The following FSTL4 variants were observed in gnomAD, a reference collection of about 807,000 sequenced individuals.
The protein encoded by FSTL4 is follistatin like 4.
A neutral mutation model predicts 78.2 loss-of-function variants in FSTL4; 28 were observed. The ratio of observed to expected loss-of-function variants is 0.36; its 90% CI spans 0.27 to 0.49. The LOEUF is 0.49. Ranked by LOEUF, FSTL4 falls within the 20% of genes least tolerant of loss-of-function variation. FSTL4 has a pLI of 0.98. For missense variants in FSTL4, 922 were observed against 1,084.9 expected (o/e 0.85, Z 2.11); for synonymous variants, 422 against 440.5 (o/e 0.96, Z 0.53).
intron 6 of FSTL4, among the ~76,000 whole-genome samples, chr5:133,304,572 T>C (rs574112229): frequency 6.6e-6 from 1 of 152,256 alleles, no homozygotes; most frequent in African/African-American, 2.4e-5. Flanking sequence ...TTTTCTGCTA[T>C]TCAATTGCTC....
At chr5:133,774,929 G>T in the FSTL4 span, among the ~76,000 whole-genome samples, 5 of 152,172 alleles carry the variant, frequency 3.3e-5, no homozygotes, top group African/African-American at 1.2e-4. Flanking sequence ...CATAAGTGAA[G>T]TTTCTAAGAA....
chr5:133,392,660 G>A (rs903167056), intron 4 of FSTL4, among the ~76,000 whole-genome samples: 2 of 152,174 alleles, frequency 1.3e-5, no homozygotes, highest in Non-Finnish European at 2.9e-5. Flanking sequence ...GGCTACCTAG[G>A]AGGATGCTGG....
the FSTL4 span, among the ~76,000 whole-genome samples, chr5:133,776,702 C>T: frequency 1.3e-5 from 2 of 152,194 alleles, no homozygotes; most frequent in African/African-American, 4.8e-5. Flanking sequence ...TACTTACCTC[C>T]AGAAACCTCC....
chr5:133,559,092 A>G (rs536528949), intron 3 of FSTL4, among the ~76,000 whole-genome samples: 1 of 152,380 alleles, frequency 6.6e-6, no homozygotes, highest in East Asian at 1.9e-4. Context: ...GATGAAAAGA[A>G]TAGAATTAGA....
At chr5:133,805,211 T>C in the FSTL4 span, among the ~76,000 whole-genome samples, 2 of 151,952 alleles carry the variant, frequency 1.3e-5, no homozygotes, top group African/African-American at 2.4e-5. Flanking sequence ...AGGGAGGCAA[T>C]GAAGGTCCCA....
chr5:133,673,644 C>T, the FSTL4 span, among the ~76,000 whole-genome samples: 1 of 152,190 alleles, frequency 6.6e-6, no homozygotes, highest in African/African-American at 2.4e-5. Context: ...GTGACATTTC[C>T]AGATTCCAAA....
At chr5:133,232,677 C>T in intron 8 of FSTL4, among the ~76,000 whole-genome samples, 1 of 152,176 alleles carries the variant, frequency 6.6e-6, no homozygotes, top group East Asian at 1.9e-4. Context: ...CAGAGCAACA[C>T]CCAGCAGTTG....
At chr5:133,347,041 T>A (rs755316303) in intron 4 of FSTL4, among the ~76,000 whole-genome samples, 5 of 152,194 alleles carry the variant, frequency 3.3e-5, no homozygotes, top group African/African-American at 1.2e-4. Flanking sequence ...AAATTTTTCC[T>A]TTGTTCCCTA....
At chr5:133,422,836 A>G (rs1756729141) in intron 3 of FSTL4, among the ~76,000 whole-genome samples, 2 of 152,358 alleles carry the variant, frequency 1.3e-5, no homozygotes, top group South Asian at 2.1e-4. Flanking sequence ...ACTTGAAAAT[A>G]TGTGTTTAAT....
intron 6 of FSTL4, among the ~76,000 whole-genome samples, chr5:133,282,399 G>A (rs1429233382): frequency 2.0e-5 from 3 of 152,186 alleles, no homozygotes; most frequent in Admixed American, 6.5e-5. Context: ...CCATTTGGGG[G>A]AGAAGCCACC....
the FSTL4 span, among the ~76,000 whole-genome samples, chr5:133,772,552 G>T: frequency 6.6e-6 from 1 of 152,066 alleles, no homozygotes; most frequent in Non-Finnish European, 1.5e-5. Context: ...AATTTATTTG[G>T]CTCACAGCTC....
At chr5:133,321,610 C>T (rs1018429590) in intron 4 of FSTL4, among the ~76,000 whole-genome samples, 9 of 152,188 alleles carry the variant, frequency 5.9e-5, no homozygotes, top group Non-Finnish European at 1.2e-4. Flanking sequence ...CTTTGGGAGG[C>T]CGAGGCAGGT....
chr5:133,593,023 G>A (rs1441910024), intron 2 of FSTL4, among the ~76,000 whole-genome samples: 1 of 152,186 alleles, frequency 6.6e-6, no homozygotes, highest in African/African-American at 2.4e-5. Context: ...CAAGGAATAA[G>A]ACCTCCAATA....
the FSTL4 span, among the ~76,000 whole-genome samples, chr5:133,690,118 C>T: frequency 6.6e-6 from 1 of 152,110 alleles, no homozygotes. Flanking sequence ...GACCTCCCCA[C>T]CGGAACTTCC....
chr5:133,649,531 G>A, the FSTL4 span, among the ~76,000 whole-genome samples: 24 of 152,244 alleles, frequency 1.6e-4, no homozygotes, highest in African/African-American at 2.4e-4. Flanking sequence ...CAACATCAGC[G>A]TACTGGGTTT....
intron 3 of FSTL4, among the ~76,000 whole-genome samples, chr5:133,527,433 T>C (rs1281103325): frequency 1.3e-5 from 2 of 151,980 alleles, no homozygotes; most frequent in African/African-American, 4.8e-5. Context: ...TCTCTCAGCC[T>C]CTCAGTTGTG....
At chr5:133,700,744 C>T in the FSTL4 span, among the ~76,000 whole-genome samples, 1 of 152,262 alleles carries the variant, frequency 6.6e-6, no homozygotes, top group East Asian at 1.9e-4. Flanking sequence ...CCTCGGGTTT[C>T]TCATCCACTC....
At chr5:133,343,681 T>C (rs1754636895) in intron 4 of FSTL4, among the ~76,000 whole-genome samples, 1 of 152,232 alleles carries the variant, frequency 6.6e-6, no homozygotes, top group South Asian at 2.1e-4. Flanking sequence ...AAGAGACATT[T>C]TATCAAGGGT....
intron 3 of FSTL4, among the ~76,000 whole-genome samples, chr5:133,404,277 C>A (rs192986661): frequency 6.6e-6 from 1 of 152,138 alleles, no homozygotes; most frequent in African/African-American, 2.4e-5. Context: ...ACCACTTCCT[C>A]CTTGTCATTA....
Sources: allele counts gnomAD v4.1 joint callset (sites outside exome capture counted in the v4.1 genomes callset), GRCh38; gene constraint gnomAD v4.1.1; transcripts MANE v1.5; gene names NCBI Gene and HGNC (gene_info 2026-07-23, HGNC 2026-07-21).